FLT3: variants seen among roughly 807,000 people sequenced by gnomAD.
FLT3 encodes receptor-type tyrosine-protein kinase FLT3.
FLT3 carries 46 observed loss-of-function variants against 126.6 expected under a neutral mutation model. That is an observed-to-expected ratio of 0.36 (90% CI 0.29 to 0.46). FLT3 has a LOEUF of 0.46. FLT3 is among the 20% of genes least tolerant of loss of function. The pLI, the probability that FLT3 is intolerant of heterozygous loss-of-function variation, is 1.00. For missense variants in FLT3, 1,069 were observed against 1,190.3 expected (o/e 0.90, Z 1.50); for synonymous variants, 404 against 434.4 (o/e 0.93, Z 0.87).
chr13:28,026,187 C>T (rs1375924881), intron 17 of FLT3, among the ~76,000 whole-genome samples: 3 of 151,710 alleles, frequency 2.0e-5, no homozygotes, highest in South Asian at 2.1e-4. Context: ...CCTGTCTCCA[C>T]TAAAAATACA....
chr13:28,047,928 T>C (rs527731069), intron 9 of FLT3, among the ~76,000 whole-genome samples: 1 of 152,174 alleles, frequency 6.6e-6, no homozygotes, highest in Admixed American at 6.5e-5. Flanking sequence ...TCCTCAATCA[T>C]CTGCAAATGT....
At chr13:28,035,025 C>G (rs75906513) in intron 12 of FLT3, among the ~76,000 whole-genome samples, 1 of 152,040 alleles carries the variant, frequency 6.6e-6, no homozygotes, top group Admixed American at 6.6e-5. Context: ...TTATGAAGGT[C>G]GCACATGAAA....
At chr13:28,074,644 T>A (rs1162234426) in intron 1 of FLT3, among the ~76,000 whole-genome samples, 1 of 152,108 alleles carries the variant, frequency 6.6e-6, no homozygotes, top group African/African-American at 2.4e-5. Flanking sequence ...TATTTATTTT[T>A]ATTTTTTATT....
At chr13:28,099,371 T>G (rs1226695789) in intron 1 of FLT3, among the ~76,000 whole-genome samples, 1 of 152,266 alleles carries the variant, frequency 6.6e-6, no homozygotes, top group African/African-American at 2.4e-5. Flanking sequence ...TAAAATGTCT[T>G]TGTTTTTCAA....
At chr13:28,070,372 G>GA (rs1877391880) in intron 2 of FLT3, 119 bp downstream of exon 2, 1 of 763,600 alleles carries the variant, frequency 1.3e-6, no homozygotes, top group East Asian at 2.5e-5. Context: ...CAGATGTGAG[G>GA]CCATAATATA....
intron 1 of FLT3, among the ~76,000 whole-genome samples, chr13:28,077,585 C>G (rs1878041512): frequency 6.6e-6 from 1 of 152,160 alleles, no homozygotes; most frequent in African/African-American, 2.4e-5. Context: ...AGATACAATT[C>G]AAGTTGAGAT....
rs577258839 is a variant in FLT3, at chr13:28,075,274, C to T, written c.44-4662G>A. 5.3e-5 allele frequency among the ~76,000 whole-genome samples: 8 copies of T among 152,054 alleles called. No individual in the cohort carries two copies. In the East Asian group the frequency reaches 1.5e-3, roughly 29 times the overall value. ...ATTTTTTCATATATTTCATATATTT[C>T]TTGGACTTGAAATGTTCCCAACACA... On this transcript the variant is annotated intron_variant, in intron 1 of 23. Coordinates refer to ENST00000241453, the MANE Select transcript of FLT3 (RefSeq NM_004119.3).
rs1872877858 is a variant in FLT3 at position 28,027,085 on chromosome 13, T to C, written c.2207+3A>G. ...ATTACGAAACCCTGACCCAGCCTCT[T>C]ACCTGGAATTTGGATGTGATTGGAA... is the stretch of plus-strand genomic sequence containing the variant. On this transcript the variant is annotated splice_donor_region_variant and intron_variant, in intron 17 of 23. Coordinates refer to ENST00000241453, the MANE Select transcript of FLT3 (RefSeq NM_004119.3). 3 of 1,613,042 alleles carry C rather than the reference T, an allele frequency of 1.9e-6. No individual in the cohort carries two copies. The South Asian group carries it at 3.3e-5, about 18-fold the overall frequency.
rs1872049589 is a variant in FLT3 at position 28,018,095 on chromosome 13, G to A, written c.2541+372C>T. 2.0e-5 allele frequency among the ~76,000 whole-genome samples: 3 copies of A among 152,128 alleles called. No individual in the cohort carries two copies. In the South Asian group the frequency reaches 6.2e-4, roughly 32 times the overall value. ...TATATGTTTTAAAGTGCTTTATTGT[G>A]ACTATTAGCTTTTCACATAATTGAA... On this transcript the variant is annotated intron_variant, in intron 20 of 23. Coordinates refer to ENST00000241453, the MANE Select transcript of FLT3 (RefSeq NM_004119.3).
At chr13:28,029,241 A>C (rs868225307) in intron 15 of FLT3, among the ~76,000 whole-genome samples, 9 of 152,162 alleles carry the variant, frequency 5.9e-5, no homozygotes, top group Non-Finnish European at 8.8e-5. Context: ...ACATACAAAA[A>C]ATTAGCCGGG....
rs78321923 is a variant in FLT3, at chr13:28,015,893, A to C, written c.2542-192T>G. On this transcript the variant is annotated intron_variant, in intron 20 of 23. Coordinates refer to ENST00000241453, the MANE Select transcript of FLT3 (RefSeq NM_004119.3). ...TCTAATAATACTAGCCTAAAACATAAGGCATATTTCTTTACAACTCCTCTC... is the reference window on the plus strand; with the variant it reads ...TCTAATAATACTAGCCTAAAACATACGGCATATTTCTTTACAACTCCTCTC... Among the ~76,000 whole-genome samples, 440 of 152,280 alleles carry C rather than the reference A, an allele frequency of 2.9e-3. 4 individuals carry two copies. Among genetic ancestry groups the C allele is most frequent in the African/African-American group, 0.01 (416 of 41,562 alleles).
intron 23 of FLT3, among the ~76,000 whole-genome samples, chr13:28,010,560 C>T (rs973363782): frequency 1.3e-5 from 2 of 152,220 alleles, no homozygotes; most frequent in African/African-American, 4.8e-5. Flanking sequence ...AATGCCTAGA[C>T]AGGTAATCAT....
At chr13:28,018,384 C>A in intron 20 of FLT3, 83 bp downstream of exon 20, 1 of 1,500,258 alleles carries the variant, frequency 6.7e-7, no homozygotes, top group South Asian at 1.2e-5. Context: ...CAAAAATGCA[C>A]CACAGTGAGT....
intron 1 of FLT3, among the ~76,000 whole-genome samples, chr13:28,093,707 G>A (rs1301715550): frequency 6.6e-6 from 1 of 152,148 alleles, no homozygotes; most frequent in Non-Finnish European, 1.5e-5. Context: ...TCTCTTGGAA[G>A]CTTTGCTTTA....
chr13:28,051,246 C>CTTT (rs201198776), intron 5 of FLT3, among the ~76,000 whole-genome samples: 4 of 151,028 alleles, frequency 2.6e-5, no homozygotes, highest in South Asian at 2.1e-4. Context: ...CCTTTCTTTT[C>CTTT]TTTTTTTTTA....
intron 1 of FLT3, among the ~76,000 whole-genome samples, chr13:28,073,072 G>A (rs1458833517): frequency 2.0e-5 from 3 of 152,214 alleles, no homozygotes; most frequent in Non-Finnish European, 4.4e-5. Context: ...CGAGCCTGGT[G>A]GCTCATGTCT....
Position 28,014,557 on chromosome 13 carries a change from T to C in FLT3, c.2754A>G (p.Ile918Met), listed in dbSNP as rs764308917. The C allele has an allele frequency of 1.2e-5, 20 of 1,604,458 alleles. No homozygotes were observed. The highest frequency in any genetic ancestry group is 1.7e-5 in the Admixed American group (1 of 59,930). The change falls in exon 23 of 24, where the codon ATA (isoleucine) becomes ATG (methionine). Residue 918 changes from isoleucine to methionine, a missense_variant and splice_region_variant. Physicochemically the swap from Ile to Met is conservative, Grantham distance 10. Coordinates refer to ENST00000241453, the MANE Select transcript of FLT3 (RefSeq NM_004119.3). ...MDQPFYATEE[I>M]YIIMQSCWAF... Reference sequence around the variant, plus strand: ...CCCAGCAGGATTGCATTATAATGTATCTGTAAAAGCAATAGAACAAGGAAC... The same window carrying C: ...CCCAGCAGGATTGCATTATAATGTACCTGTAAAAGCAATAGAACAAGGAAC...
In FLT3 at chr13:28,081,844, C is replaced by CTT. The variant is rs35243277; in HGVS notation, c.44-11234_44-11233dup. On this transcript the variant is annotated intron_variant, in intron 1 of 23. Coordinates refer to ENST00000241453, the MANE Select transcript of FLT3 (RefSeq NM_004119.3). ...TTACTTTGATTTTTTTACTTTGATT[C>CTT]TTTTTTTTTTTTTTTTTTTTTTTTT... Among the ~76,000 whole-genome samples, 341 of 64,950 alleles carry CTT rather than the reference C, an allele frequency of 5.3e-3. 108 individuals are homozygous for CTT. Among genetic ancestry groups the CTT allele is most frequent in the African/African-American group, 0.023 (326 of 14,378 alleles). 42.6% of individuals were successfully genotyped at this position (64,950 alleles called of 152,430 possible).
rs530893616 is a variant in FLT3 at position 28,014,676 on chromosome 13, G to A, written c.2754-119C>T. 7 of 676,432 alleles carry A rather than the reference G, an allele frequency of 1.0e-5. No individual in the cohort carries two copies. The South Asian group carries it at 1.4e-4, about 13-fold the overall frequency. The allele number at this position is 676,432 out of a possible 1,614,324, so 41.9% of individuals were successfully genotyped here. On this transcript the variant is annotated intron_variant, in intron 22 of 23. Transcript: ENST00000241453. ...GGAGCTGCTTATTTACAGCATGTTT[G>A]TTTTGTGGCAAGTCCTCTACCAGAT...
Sources: gnomAD v4.1 joint callset for allele counts (sites outside exome capture counted in the v4.1 genomes callset) on GRCh38, gnomAD v4.1.1 for gene constraint, MANE v1.5 for transcripts, NCBI Gene and HGNC (gene_info 2026-07-23, HGNC 2026-07-21) for gene names.